The following MGAT4C variants were observed in gnomAD, a reference collection of about 807,000 sequenced individuals.
MGAT4C encodes the protein alpha-1,3-mannosyl-glycoprotein 4-beta-N-acetylglucosaminyltransferase C.
Under a neutral mutation model 40.1 loss-of-function variants are expected in MGAT4C, and 19 were observed. That is an observed-to-expected ratio of 0.47 (90% CI 0.33 to 0.70). MGAT4C has a LOEUF of 0.70. MGAT4C is among the 30% of genes least tolerant of loss of function. The probability of loss-of-function intolerance (pLI) is 0.02; values close to 1 mark genes in which losing one functional copy is unlikely to be tolerated. For missense variants in MGAT4C, 491 were observed against 563.2 expected, an observed-to-expected ratio of 0.87 and a Z score of 1.30; for synonymous variants, 181 against 187.1, an observed-to-expected ratio of 0.97 and a Z score of 0.27.
At chr12:86,711,649 A>C (rs78170987) in intron 2 of MGAT4C, among the ~76,000 whole-genome samples, 4,747 of 152,224 alleles carry the variant, frequency 0.031, 121 homozygotes, top group African/African-American at 0.074. Flanking sequence ...ATGGAAGAAA[A>C]AAATATGAAA....
chr12:86,285,183 G>A (rs1315009447), intron 4 of MGAT4C, among the ~76,000 whole-genome samples: 1 of 151,814 alleles, frequency 6.6e-6, no homozygotes, highest in Non-Finnish European at 1.5e-5. Context: ...ACAAATATTC[G>A]GCTTCCTATA....
chr12:86,115,257 T>C (rs984459560), intron 1 of MGAT4C, among the ~76,000 whole-genome samples: 5 of 151,916 alleles, frequency 3.3e-5, no homozygotes, highest in Non-Finnish European at 4.4e-5. Context: ...GATAATGATA[T>C]TTTATGGATA....
At chr12:86,099,503 C>T (rs1308431742) in intron 1 of MGAT4C, among the ~76,000 whole-genome samples, 1 of 151,158 alleles carries the variant, frequency 6.6e-6, no homozygotes, top group East Asian at 1.9e-4. Flanking sequence ...AACAAATTTA[C>T]AAGAAAGAAA....
Position 86,190,289 on chromosome 12 carries a change from TAGAA to T in MGAT4C, c.-57+65946_-57+65949del, listed in dbSNP as rs544556315. 3.6e-3 allele frequency among the ~76,000 whole-genome samples: 548 copies of T among 152,202 alleles called. 3 individuals are homozygous for T. Among genetic ancestry groups the T allele is most frequent in the African/African-American group, 0.013 (534 of 41,548 alleles). ...TGCTATTACAGTTTAAAAAATCAAT[TAGAA>T]AGATTATGTCATTCAATAATTATGA... On this transcript the variant is annotated intron_variant, in intron 1 of 4. Transcript: ENST00000611864.
At chr12:86,168,648 A>C (rs1465644456) in intron 1 of MGAT4C, among the ~76,000 whole-genome samples, 1 of 152,134 alleles carries the variant, frequency 6.6e-6, no homozygotes, top group Non-Finnish European at 1.5e-5. Context: ...CAAATGGAGA[A>C]ATTAATAAAA....
intron 1 of MGAT4C, among the ~76,000 whole-genome samples, chr12:86,214,876 G>A (rs1950607528): frequency 6.6e-6 from 1 of 152,166 alleles, no homozygotes; most frequent in South Asian, 2.1e-4. Flanking sequence ...GACATTCGTT[G>A]AATGATAAAT....
rs551809509 is a variant in MGAT4C at position 86,349,412 on chromosome 12, T to C, written c.-119-15285A>G. 4.6e-5 allele frequency among the ~76,000 whole-genome samples: 7 copies of C among 152,308 alleles called. No individual in the cohort carries two copies. The South Asian group carries it at 1.2e-3, about 27-fold the overall frequency. On this transcript the variant is annotated intron_variant, in intron 3 of 7. Coordinates refer to the MGAT4C transcript ENST00000548651. Reference sequence around the variant, plus strand: ...AACGTTGTATTGGTATTCCCAACTATGATCCTGCATTGTTTACAGAGTCCT... The same window carrying C: ...AACGTTGTATTGGTATTCCCAACTACGATCCTGCATTGTTTACAGAGTCCT...
chr12:86,216,162 G>A (rs1950663460), intron 1 of MGAT4C, among the ~76,000 whole-genome samples: 1 of 152,116 alleles, frequency 6.6e-6, no homozygotes, highest in African/African-American at 2.4e-5. Context: ...GGAGAAATGG[G>A]TTAACCTTAC....
chr12:86,301,474 A>G (rs1953810895), intron 4 of MGAT4C, among the ~76,000 whole-genome samples: 1 of 152,194 alleles, frequency 6.6e-6, no homozygotes, highest in Admixed American at 6.5e-5. Flanking sequence ...TCTAAAATAC[A>G]TTGTACTTAA....
At chr12:86,480,634 AGT>A (rs1957922267) in intron 2 of MGAT4C, among the ~76,000 whole-genome samples, 2 of 151,564 alleles carry the variant, frequency 1.3e-5, no homozygotes, top group Non-Finnish European at 1.5e-5. Context: ...ATGTATAAGT[AGT>A]TAATGATGTA....
In MGAT4C at chr12:86,659,446, T is replaced by C. The variant is rs112180507; in HGVS notation, c.-229+67763A>G. On this transcript the variant is annotated intron_variant, in intron 2 of 7. Transcript: ENST00000548651. ...GAATCAAAATGGGAACGACAGTAAATTGGAGGACTAGCTTACTGCACTTGT... is the reference window on the plus strand; with the variant it reads ...GAATCAAAATGGGAACGACAGTAAACTGGAGGACTAGCTTACTGCACTTGT... Among the ~76,000 whole-genome samples, 477 of 152,136 alleles carry C rather than the reference T, an allele frequency of 3.1e-3. 1 individual carries two copies. Among genetic ancestry groups the C allele is most frequent in the African/African-American group, 0.011 (462 of 41,528 alleles).
chr12:86,837,178 A>G (rs1002463215), intron 1 of MGAT4C, among the ~76,000 whole-genome samples: 10 of 152,092 alleles, frequency 6.6e-5, no homozygotes, highest in African/African-American at 2.4e-4. Context: ...GGTTCCACAA[A>G]GGAGAGAAAG....
At chr12:86,251,131 G>GTTTTTTTTT (rs5799770) in intron 1 of MGAT4C, among the ~76,000 whole-genome samples, 1 of 138,108 alleles carries the variant, frequency 7.2e-6, no homozygotes, top group Non-Finnish European at 1.6e-5. Flanking sequence ...TTTATTTCCC[G>GTTTTTTTTT]TTTTTTTTTT....
chr12:86,129,349 G>A (rs185464935), intron 1 of MGAT4C, among the ~76,000 whole-genome samples: 174 of 152,232 alleles, frequency 1.1e-3, no homozygotes, highest in African/African-American at 3.9e-3. Flanking sequence ...TTTACAACTT[G>A]AGATTATCTG....
At chr12:86,805,354 CCT>C (rs1321480155) in intron 1 of MGAT4C, among the ~76,000 whole-genome samples, 1 of 151,716 alleles carries the variant, frequency 6.6e-6, no homozygotes, top group Non-Finnish European at 1.5e-5. Flanking sequence ...GTATTCAACC[CCT>C]GTTCCCTACC....
chr12:86,462,945 C>T (rs953725324), intron 2 of MGAT4C, among the ~76,000 whole-genome samples: 7 of 145,096 alleles, frequency 4.8e-5, no homozygotes, highest in East Asian at 2.1e-4. Context: ...GACACTCTCA[C>T]GGACACAACC....
intron 1 of MGAT4C, among the ~76,000 whole-genome samples, chr12:86,182,120 C>T (rs1259792351): frequency 1.3e-5 from 2 of 151,776 alleles, no homozygotes; most frequent in African/African-American, 4.8e-5. Context: ...ATTTGTCTTC[C>T]CCATCCTCTT....
chr12:86,537,725 T>C (rs933078459), intron 2 of MGAT4C, among the ~76,000 whole-genome samples: 6 of 152,312 alleles, frequency 3.9e-5, no homozygotes, highest in Admixed American at 1.3e-4. Context: ...ATTCTTGACA[T>C]TGATGATTCT....
chr12:86,405,986 C>CAA (rs1373745984), intron 3 of MGAT4C, among the ~76,000 whole-genome samples: 6 of 119,274 alleles, frequency 5.0e-5, no homozygotes, highest in East Asian at 2.5e-4. Context: ...TATATATACA[C>CAA]AAAAAATATA....
Sources: allele counts gnomAD v4.1 joint callset (sites outside exome capture counted in the v4.1 genomes callset), GRCh38; gene constraint gnomAD v4.1.1; transcripts MANE v1.5; gene names NCBI Gene and HGNC (gene_info 2026-07-23, HGNC 2026-07-21).